PCDHGB5: variants seen among roughly 807,000 people sequenced by gnomAD.
The protein encoded by PCDHGB5 is protocadherin gamma subfamily B, 5, also known as protocadherin gamma-B5.
In PCDHGB5, 48 loss-of-function variants were observed where a neutral mutation model predicts 62.9. The ratio of observed to expected loss-of-function variants is 0.76; its 90% confidence interval spans 0.61 to 0.97. The LOEUF is 0.97. Ranked by LOEUF, PCDHGB5 falls within the 50% of genes least tolerant of loss-of-function variation. The probability of loss-of-function intolerance (pLI) is 0.00; values close to 1 mark genes in which losing one functional copy is unlikely to be tolerated. For missense variants in PCDHGB5, 1,118 were observed against 1,198.6 expected, an observed-to-expected ratio of 0.93 and a Z score of 0.99; for synonymous variants, 474 against 511.2, an observed-to-expected ratio of 0.93 and a Z score of 0.98.
chr5:141,399,910 G>C lies in PCDHGB5; in HGVS notation c.1783G>C (p.Gly595Arg). 1 of 1,612,438 alleles carries C rather than the reference G, an allele frequency of 6.2e-7. No homozygotes were observed. Among genetic ancestry groups the C allele is most frequent in the Non-Finnish European group, 8.5e-7 (1 of 1,179,782 alleles). Residue 595 changes from glycine (G) to arginine (R), a missense_variant, in exon 1 of 4, where the codon GGA becomes CGA. By Grantham distance (125) the Gly-to-Arg change is moderately radical (BLOSUM62 -2). This residue lies in a region of PCDHGB5 where 1,034 missense variants were observed against 1,029.1 expected (regional missense o/e 1.00). Transcript: ENST00000617380. The part of the protein sequence containing the change: ...TKVVAVDADS[G>R]HNAWLSYHVL... ...GGTAGTGGCCGTGGACGCAGACTCA[G>C]GACACAACGCCTGGCTGTCCTACCA...
intron 1 of PCDHGB5, chr5:141,423,675 T>C: frequency 1.3e-6 from 2 of 1,540,488 alleles, no homozygotes; most frequent in Non-Finnish European, 1.7e-6. Flanking sequence ...GATTTATTTC[T>C]CTGCCTCCTA....
Position 141,485,444 on chromosome 5 carries a change from G to T in PCDHGB5, c.2398-9363G>T. 1 of 1,614,108 alleles carries T rather than the reference G, an allele frequency of 6.2e-7. No homozygotes were observed. The highest frequency in any genetic ancestry group is 8.5e-7 in the Non-Finnish European group (1 of 1,180,020). ...AGCCCTGCTCATCAAGAACCCAATC[G>T]ACCGAGAGGCACTGTGTGGGCTCAG... is the stretch of plus-strand genomic sequence containing the variant. On this transcript the variant is annotated intron_variant, in intron 1 of 3. Coordinates refer to ENST00000617380, the MANE Select transcript of PCDHGB5 (RefSeq NM_018925.3). This position sits in a 1 kb window ranked among gnomAD's most constrained non-coding sequence, Gnocchi z 5.7.
At chr5:141,464,189 C>T (rs1215955823) in intron 1 of PCDHGB5, among the ~76,000 whole-genome samples, 1 of 150,620 alleles carries the variant, frequency 6.6e-6, no homozygotes, top group Non-Finnish European at 1.5e-5. Context: ...TGCTTGATTT[C>T]AGGAGGCGGA....
intron 1 of PCDHGB5, chr5:141,411,909 A>T (rs1176626028): frequency 6.6e-6 from 1 of 152,204 alleles, no homozygotes; most frequent in Non-Finnish European, 1.5e-5. Flanking sequence ...TTGCCTTTGC[A>T]CTCAGTCTCT....
At position 141,485,301 on chromosome 5, in the gene PCDHGB5, C is replaced by T; in HGVS notation, c.2398-9506C>T. 1 of 1,614,124 alleles carries T rather than the reference C, an allele frequency of 6.2e-7. No homozygotes were observed. The highest frequency in any genetic ancestry group is 1.1e-5 in the South Asian group (1 of 91,082). The stretch of plus-strand genomic sequence containing the variant: ...GTCCCAGAGGAGTCACAGGAAGGGA[C>T]TTTTGTAGGGAATGTCGCTCAAGAT... On this transcript the variant is annotated intron_variant, in intron 1 of 3. Coordinates refer to ENST00000617380, the MANE Select transcript of PCDHGB5 (RefSeq NM_018925.3). This position sits in a 1 kb window ranked among gnomAD's most constrained non-coding sequence, Gnocchi z 5.7.
At position 141,432,718 on chromosome 5, in the gene PCDHGB5, T is replaced by C; in HGVS notation, c.2397+32194T>C. ...CCGTCCAGGACCACGGCCAGCCCCC[T>C]CTCTCCGCCACTGTCACGCTCACCG... On this transcript the variant is annotated intron_variant, in intron 1 of 3. Coordinates refer to ENST00000617380, the MANE Select transcript of PCDHGB5 (RefSeq NM_018925.3). This position sits in a 1 kb window ranked among gnomAD's most constrained non-coding sequence, Gnocchi z 6.0. 1 of 1,613,476 alleles carries C rather than the reference T, an allele frequency of 6.2e-7. No homozygotes were observed. The highest frequency in any genetic ancestry group is 8.5e-7 in the Non-Finnish European group (1 of 1,179,862).
At chr5:141,443,704 C>T (rs894128704) in intron 1 of PCDHGB5, among the ~76,000 whole-genome samples, 6 of 152,102 alleles carry the variant, frequency 3.9e-5, no homozygotes, top group Non-Finnish European at 7.4e-5. Flanking sequence ...TATAGAATAA[C>T]ATTTGCATAT....
intron 1 of PCDHGB5, among the ~76,000 whole-genome samples, chr5:141,473,126 A>C (rs2154571574): frequency 6.6e-6 from 1 of 152,356 alleles, no homozygotes; most frequent in South Asian, 2.1e-4. Flanking sequence ...GCTCTTTGGC[A>C]AACTATATTA....
In PCDHGB5 at chr5:141,494,849, A is replaced by C; in HGVS notation, c.2440A>C (p.Arg814=). ...NTDWRFSQAQ[R]PGTSGSQNGD... ...GGACTGGCGTTTCTCTCAGGCCCAG[A>C]GACCCGGCACCAGCGGGTAGGTGAC... Residue 814 remains arginine, a synonymous_variant, in exon 2 of 4, where the codon AGA becomes CGA. Transcript: ENST00000617380. 1 of 1,614,102 alleles carries C rather than the reference A, an allele frequency of 6.2e-7. No individual in the cohort carries two copies. Among genetic ancestry groups the C allele is most frequent in the Non-Finnish European group, 8.5e-7 (1 of 1,180,014 alleles).
chr5:141,449,160 T>G (rs6867451), intron 1 of PCDHGB5, among the ~76,000 whole-genome samples: 8,161 of 152,140 alleles, frequency 0.054, 458 homozygotes, highest in African/African-American at 0.15. Context: ...AAAGAGGAAA[T>G]AGGTGTAATT....
chr5:141,409,198 A>T, intron 1 of PCDHGB5: 1 of 1,614,010 alleles, frequency 6.2e-7, no homozygotes, highest in South Asian at 1.1e-5. Flanking sequence ...CCCAGTGTAA[A>T]GTAATCATAG....
rs980196319 is a variant in PCDHGB5 at position 141,511,604 on chromosome 5, A to C, written c.*431A>C. 3 of 248,420 alleles carry C rather than the reference A, an allele frequency of 1.2e-5. No individual in the cohort carries two copies. Among genetic ancestry groups the C allele is most frequent in the African/African-American group, 6.6e-5 (3 of 45,596 alleles). The allele number at this position is 248,420 out of a possible 1,614,324, so 15.4% of individuals were successfully genotyped here. Reference sequence around the variant, plus strand: ...GGTGTTGAAGTACCAAGTAACCTACAAGCCTCCTAGTTCTGAAAAGTTGGA... The same window carrying C: ...GGTGTTGAAGTACCAAGTAACCTACCAGCCTCCTAGTTCTGAAAAGTTGGA... On this transcript the variant is annotated 3_prime_UTR_variant, in exon 4 of 4. Coordinates refer to ENST00000617380, the MANE Select transcript of PCDHGB5 (RefSeq NM_018925.3).
At chr5:141,429,929 T>A (rs2097253197) in intron 1 of PCDHGB5, among the ~76,000 whole-genome samples, 1 of 152,240 alleles carries the variant, frequency 6.6e-6, no homozygotes, top group African/African-American at 2.4e-5. Flanking sequence ...AATAGAATTC[T>A]GGAGTACTTC....
chr5:141,428,156 C>G, intron 1 of PCDHGB5: 2 of 1,579,884 alleles, frequency 1.3e-6, no homozygotes, highest in Non-Finnish European at 1.7e-6. Flanking sequence ...CGGGAACCTG[C>G]TGGTTGCTGT....
rs2096370584 is a variant in PCDHGB5 at position 141,419,372 on chromosome 5, G to A, written c.2397+18848G>A. On this transcript the variant is annotated intron_variant, in intron 1 of 3. Coordinates refer to ENST00000617380, the MANE Select transcript of PCDHGB5 (RefSeq NM_018925.3). The stretch of plus-strand genomic sequence containing the variant: ...GGAGTCACGAACGCTGTCGTCCTAC[G>A]TGTCCGTGAGCGCGCAGAGCGGGGT... 2 of 1,613,728 alleles carry A rather than the reference G, an allele frequency of 1.2e-6. No homozygotes were observed. Among genetic ancestry groups the A allele is most frequent in the South Asian group, 1.1e-5 (1 of 91,088 alleles).
intron 1 of PCDHGB5, chr5:141,439,845 T>C (rs983341549): frequency 6.6e-6 from 1 of 152,252 alleles, no homozygotes; most frequent in Non-Finnish European, 1.5e-5. Flanking sequence ...ACTCTAACTG[T>C]GGAAAAGGTG....
intron 1 of PCDHGB5, among the ~76,000 whole-genome samples, chr5:141,445,357 G>C (rs115045385): frequency 0.013 from 1,909 of 152,252 alleles, 31 homozygotes; most frequent in African/African-American, 0.044. Flanking sequence ...GTCTGCCCAA[G>C]TCTGGTCCTG....
intron 1 of PCDHGB5, chr5:141,430,781 C>A: frequency 6.6e-7 from 1 of 1,510,922 alleles, no homozygotes; most frequent in Non-Finnish European, 8.8e-7. Context: ...GCGACTGCAC[C>A]GGGACTACAA....
Position 141,432,124 on chromosome 5 carries a change from C to G in PCDHGB5, c.2397+31600C>G, listed in dbSNP as rs1286909667. On this transcript the variant is annotated intron_variant, in intron 1 of 3. Transcript: ENST00000617380. The surrounding 1 kb of genome is among the most constrained non-coding windows in gnomAD (Gnocchi z 6.0). ...ACAACCCGCCGGTCTTCCCTCAGGC[C>G]TCCTATTCCGCTTATATCCCAGAGA... 6.2e-7 allele frequency: 1 copy of G among 1,614,156 alleles called. No homozygotes were observed. The highest frequency in any genetic ancestry group is 1.1e-5 in the South Asian group (1 of 91,066).
Sources: gnomAD v4.1 joint callset for allele counts (sites outside exome capture counted in the v4.1 genomes callset) on GRCh38, gnomAD v4.1.1 for gene constraint, gnomAD v4.1.1 regional missense constraint, Gnocchi (gnomAD v3.1) non-coding constraint, MANE v1.5 for transcripts, NCBI Gene and HGNC (gene_info 2026-07-23, HGNC 2026-07-21) for gene names.